The following TANC2 variants were observed in gnomAD, a reference collection of about 807,000 sequenced individuals.
TANC2 encodes protein TANC2.
A neutral mutation model predicts 210.5 loss-of-function variants in TANC2; 26 were observed. The observed-to-expected ratio is 0.12, with a 90% CI of 0.09 to 0.17. The LOEUF (loss-of-function observed/expected upper bound fraction) is 0.17, where lower values mean the gene tolerates loss of function less well. TANC2 is among the 10% of genes least tolerant of loss of function. The pLI, the probability that TANC2 is intolerant of heterozygous loss-of-function variation, is 1.00. For missense variants in TANC2, 2,129 were observed against 2,608.9 expected, an observed-to-expected ratio of 0.82 and a Z score of 4.01; for synonymous variants, 931 against 967.1, an observed-to-expected ratio of 0.96 and a Z score of 0.69.
intron 5 of TANC2, among the ~76,000 whole-genome samples, chr17:63,183,009 G>A (rs1167867695): frequency 1.3e-5 from 2 of 152,294 alleles, no homozygotes; most frequent in African/African-American, 4.8e-5. Flanking sequence ...TTTATAAACA[G>A]CTCATTGGAG....
chr17:63,352,384 T>G (rs1181702446), intron 13 of TANC2, among the ~76,000 whole-genome samples: 4 of 152,144 alleles, frequency 2.6e-5, no homozygotes, highest in Admixed American at 2.6e-4. Flanking sequence ...TTTCTAATCC[T>G]GGCCACCACC....
At chr17:63,098,459 CACACACACACACACACACACA>C (rs1567720785) in intron 3 of TANC2, among the ~76,000 whole-genome samples, 4,756 of 60,458 alleles carry the variant, frequency 0.079, 351 homozygotes, top group African/African-American at 0.21. Flanking sequence ...CACACACACA[CACACACACACACACACACACA>C]TACACTCTCT....
chr17:63,217,986 A>C (rs1016359908), intron 7 of TANC2, among the ~76,000 whole-genome samples: 7 of 145,674 alleles, frequency 4.8e-5, no homozygotes, highest in African/African-American at 1.8e-4. Context: ...TGATAAATAC[A>C]AAAAAAAAAC....
chr17:63,319,282 G>C (rs2045419147), intron 11 of TANC2, among the ~76,000 whole-genome samples, 192 bp downstream of exon 11: 1 of 152,130 alleles, frequency 6.6e-6, no homozygotes, highest in African/African-American at 2.4e-5. Context: ...CTTAGAGTTG[G>C]AAAGACCCTT....
chr17:63,008,414 C>A (rs573725729), intron 1 of TANC2, among the ~76,000 whole-genome samples: 25 of 152,122 alleles, frequency 1.6e-4, no homozygotes, highest in African/African-American at 5.3e-4. Context: ...TTTCTGTTGA[C>A]CTGTGTCCCA....
chr17:63,044,796 A>C (rs1360861700), intron 2 of TANC2, among the ~76,000 whole-genome samples: 1 of 152,016 alleles, frequency 6.6e-6, no homozygotes, highest in Non-Finnish European at 1.5e-5. Context: ...TGTCCTAGTG[A>C]TTTAATTTGT....
At chr17:63,271,311 C>T (rs954894605) in intron 9 of TANC2, among the ~76,000 whole-genome samples, 3 of 152,096 alleles carry the variant, frequency 2.0e-5, no homozygotes, top group Admixed American at 2.0e-4. Context: ...TTTTTCTCCA[C>T]AGCTTCGCCA....
chr17:63,350,844 T>C (rs887330798), intron 12 of TANC2, among the ~76,000 whole-genome samples: 3 of 142,108 alleles, frequency 2.1e-5, no homozygotes, highest in Admixed American at 1.4e-4. Flanking sequence ...AAAGAACATA[T>C]GATACTATTC....
exon 25 of TANC2, chr17:63,413,608 A>G (rs759022503): frequency 1.9e-6 from 3 of 1,601,096 alleles, no homozygotes; most frequent in Non-Finnish European, 2.6e-6. Context: ...GAGCAAGCTG[A>G]TGGAAGAGGG....
chr17:63,018,767 T>G (rs2034223263), intron 2 of TANC2, among the ~76,000 whole-genome samples: 1 of 152,300 alleles, frequency 6.6e-6, no homozygotes, highest in African/African-American at 2.4e-5. Flanking sequence ...ATTTGAAAAA[T>G]TTTATCACTT....
intron 14 of TANC2, among the ~76,000 whole-genome samples, chr17:63,366,496 T>G (rs2047113876): frequency 6.6e-6 from 1 of 152,124 alleles, no homozygotes; most frequent in Admixed American, 6.6e-5. Context: ...TTCAGTGGAG[T>G]CATAGCTCTT....
chr17:63,208,702 G>A (rs1273848804), intron 7 of TANC2, among the ~76,000 whole-genome samples: 1 of 151,944 alleles, frequency 6.6e-6, no homozygotes, highest in Admixed American at 6.6e-5. Flanking sequence ...TCAATAAAAT[G>A]TTCTAATTTT....
At chr17:63,318,561 G>C (rs943417743) in intron 10 of TANC2, among the ~76,000 whole-genome samples, 1 of 152,144 alleles carries the variant, frequency 6.6e-6, no homozygotes, top group Non-Finnish European at 1.5e-5. Flanking sequence ...AGATGTTTCT[G>C]TTCTGGGCAT....
intron 5 of TANC2, among the ~76,000 whole-genome samples, chr17:63,178,691 A>G (rs911049166): frequency 4.6e-5 from 7 of 152,250 alleles, no homozygotes; most frequent in Non-Finnish European, 1.0e-4. Context: ...CAGATTTCTA[A>G]GTCTTGAAAT....
In TANC2 at chr17:63,256,009, G is replaced by A. The variant is rs190348970; in HGVS notation, c.1034-11739G>A. 2.2e-4 allele frequency among the ~76,000 whole-genome samples: 33 copies of A among 149,196 alleles called. No homozygotes were observed. The East Asian group carries it at 4.2e-3, about 19-fold the overall frequency. ...CAACCTCTTTCCCCCAGGTTCAAGC[G>A]ATTCTCCTGCCTTAGCCTCCGGAGT... On this transcript the variant is annotated intron_variant, in intron 8 of 27. Coordinates refer to ENST00000689528, the Ensembl canonical transcript of TANC2.
At chr17:63,123,773 GC>G (rs2038588626) in intron 4 of TANC2, among the ~76,000 whole-genome samples, 7 of 63,772 alleles carry the variant, frequency 1.1e-4, no homozygotes, top group African/African-American at 8.7e-4. Context: ...TGCAACCTCT[GC>G]TCACTGCAAC....
At chr17:63,284,295 C>G (rs1377417595) in intron 9 of TANC2, among the ~76,000 whole-genome samples, 1 of 151,894 alleles carries the variant, frequency 6.6e-6, no homozygotes, top group Non-Finnish European at 1.5e-5. Flanking sequence ...AGAAAAGCTA[C>G]TTGGTCATGA....
chr17:63,422,561 G>C (rs2049052757), exon 28 of TANC2: 1 of 152,212 alleles, frequency 6.6e-6, no homozygotes, highest in African/African-American at 2.4e-5. Flanking sequence ...GTGCTAAATT[G>C]GAAGAAAACC....
chr17:63,162,874 G>A (rs1380953432), intron 5 of TANC2, among the ~76,000 whole-genome samples: 1 of 152,072 alleles, frequency 6.6e-6, no homozygotes, highest in Non-Finnish European at 1.5e-5. Flanking sequence ...TTGCTGGGCA[G>A]TACTAATGTC....
Sources: gnomAD v4.1 joint callset for allele counts (sites outside exome capture counted in the v4.1 genomes callset) on GRCh38, gnomAD v4.1.1 for gene constraint, MANE v1.5 for transcripts, NCBI Gene and HGNC (gene_info 2026-07-23, HGNC 2026-07-21) for gene names.